Variants in FBXL20 observed in about 807,000 individuals in gnomAD.
FBXL20 encodes F-box and leucine rich repeat protein 20.
A neutral mutation model predicts 64.0 loss-of-function variants in FBXL20; 11 were observed. The observed-to-expected ratio is 0.17, with a 90% CI of 0.11 to 0.28. FBXL20 has a LOEUF of 0.28. Among genes scored for constraint, FBXL20 ranks in the 10% least tolerant of loss-of-function variants. The probability of loss-of-function intolerance (pLI) is 1.00; values close to 1 mark genes in which losing one functional copy is unlikely to be tolerated. For synonymous variants in FBXL20, 184 were observed against 189.0 expected (o/e 0.97, Z 0.22); for missense variants, 303 against 526.2 (o/e 0.58, Z 4.15).
In FBXL20 at chr17:39,281,240, G is replaced by C. The variant is rs566026988; in HGVS notation, c.696+149C>G. 101 of 679,022 alleles carry C rather than the reference G, an allele frequency of 1.5e-4. 1 individual carries two copies. The Middle Eastern group carries it at 4.1e-3, about 28-fold the overall frequency. 42.1% of individuals were successfully genotyped at this position (679,022 alleles called of 1,614,324 possible). A position where few individuals can be genotyped will look rare whatever the true frequency, so the allele number is the denominator to read the frequency against. The stretch of plus-strand genomic sequence containing the variant: ...CCTAGGAATGAGTATTGTTAAGCAC[G>C]TCAAAAGTCATCTGTGTGTTTACTT... On this transcript the variant is annotated intron_variant, in intron 9 of 14. Coordinates refer to ENST00000264658, the MANE Select transcript of FBXL20 (RefSeq NM_032875.3).
chr17:39,284,614 G>C (rs1259012315), intron 7 of FBXL20, among the ~76,000 whole-genome samples: 1 of 152,050 alleles, frequency 6.6e-6, no homozygotes, highest in Non-Finnish European at 1.5e-5. Flanking sequence ...GAACTCCTGA[G>C]CTCAAGCGAT....
intron 1 of FBXL20, among the ~76,000 whole-genome samples, chr17:39,371,436 G>A (rs2047917572): frequency 6.6e-6 from 1 of 152,014 alleles, no homozygotes; most frequent in Non-Finnish European, 1.5e-5. Context: ...GATCCTCTAA[G>A]CTTTTACTTG....
At chr17:39,363,827 C>CAAAAAAAA (rs1555612706) in intron 1 of FBXL20, among the ~76,000 whole-genome samples, 5 of 78,006 alleles carry the variant, frequency 6.4e-5, no homozygotes, top group African/African-American at 2.7e-4. Context: ...AAAAAAAAAA[C>CAAAAAAAA]AAAAAACAAA....
intron 2 of FBXL20, among the ~76,000 whole-genome samples, chr17:39,328,492 GT>G (rs754230928): frequency 7.2e-5 from 11 of 152,246 alleles, no homozygotes; most frequent in Non-Finnish European, 1.3e-4. Context: ...ATCTGAAACA[GT>G]TTGAGCATCA....
At position 39,260,882 on chromosome 17, in the gene FBXL20, A is replaced by G. The variant is rs2046739406; in HGVS notation, c.*578T>C. 6.4e-6 allele frequency: 1 copy of G among 155,704 alleles called. No individual in the cohort carries two copies. Among genetic ancestry groups the G allele is most frequent in the Non-Finnish European group, 1.4e-5 (1 of 69,846 alleles). The allele number at this position is 155,704 out of a possible 1,614,324, so 9.6% of individuals were successfully genotyped here. A position where few individuals can be genotyped will look rare whatever the true frequency, so the allele number is the denominator to read the frequency against. On this transcript the variant is annotated 3_prime_UTR_variant, in exon 15 of 15. Coordinates refer to ENST00000264658, the MANE Select transcript of FBXL20 (RefSeq NM_032875.3). Reference sequence around the variant, plus strand: ...CATTTAGGAAACCTCTGGGCCAAATACTAAAACACAGGAGGAATGGACGAG... The same window carrying G: ...CATTTAGGAAACCTCTGGGCCAAATGCTAAAACACAGGAGGAATGGACGAG...
At chr17:39,313,391 G>A (rs1270440727) in intron 2 of FBXL20, among the ~76,000 whole-genome samples, 3 of 150,430 alleles carry the variant, frequency 2.0e-5, no homozygotes, top group East Asian at 4.0e-4. Context: ...CTGCCACCAC[G>A]CCAGCTAATT....
Position 39,324,217 on chromosome 17 carries a change from C to T in FBXL20, c.104+18963G>A, listed in dbSNP as rs536530111. 1.3e-5 allele frequency among the ~76,000 whole-genome samples: 2 copies of T among 149,990 alleles called. 1 individual carries two copies. The highest frequency in any genetic ancestry group is 5.1e-5 in the African/African-American group (2 of 39,360). Reference sequence around the variant, plus strand: ...TTATTAAAATGCAGATTCCTGGGTCCTAGCTCGGACCTACAGATTCCTCTA... The same window carrying T: ...TTATTAAAATGCAGATTCCTGGGTCTTAGCTCGGACCTACAGATTCCTCTA... On this transcript the variant is annotated intron_variant, in intron 2 of 14. Transcript: ENST00000264658.
chr17:39,291,320 ACT>A (rs968350693), intron 6 of FBXL20, among the ~76,000 whole-genome samples: 1 of 150,180 alleles, frequency 6.7e-6, no homozygotes, highest in Admixed American at 6.7e-5. Flanking sequence ...GATTTAATTT[ACT>A]TTTTTCTATT....
intron 1 of FBXL20, among the ~76,000 whole-genome samples, chr17:39,377,535 C>T (rs2047979377): frequency 1.3e-5 from 2 of 149,142 alleles, no homozygotes; most frequent in African/African-American, 5.0e-5. Flanking sequence ...GAGTCTTGCT[C>T]TGTCGCCCAG....
At chr17:39,267,289 T>C (rs967230157) in intron 12 of FBXL20, among the ~76,000 whole-genome samples, 1 of 151,080 alleles carries the variant, frequency 6.6e-6, no homozygotes, top group African/African-American at 2.4e-5. Flanking sequence ...AAAAAAACAG[T>C]CTGAGCGGTA....
At chr17:39,377,261 C>T (rs1392269768) in intron 1 of FBXL20, among the ~76,000 whole-genome samples, 1 of 152,008 alleles carries the variant, frequency 6.6e-6, no homozygotes, top group Non-Finnish European at 1.5e-5. Flanking sequence ...GGAGCCCCCA[C>T]CCAGGAACTG....
At chr17:39,290,689 G>A (rs954066473) in intron 6 of FBXL20, among the ~76,000 whole-genome samples, 12 of 151,596 alleles carry the variant, frequency 7.9e-5, no homozygotes, top group African/African-American at 1.9e-4. Flanking sequence ...CTCAGCCTCC[G>A]AGTAGATAGG....
At chr17:39,376,183 G>C (rs748371824) in intron 1 of FBXL20, among the ~76,000 whole-genome samples, 5 of 152,026 alleles carry the variant, frequency 3.3e-5, no homozygotes, top group Non-Finnish European at 7.4e-5. Flanking sequence ...GAATGGAACA[G>C]ATCTGATTCC....
intron 6 of FBXL20, among the ~76,000 whole-genome samples, chr17:39,293,128 T>C (rs913937597): frequency 6.6e-6 from 1 of 152,028 alleles, no homozygotes; most frequent in African/African-American, 2.4e-5. Flanking sequence ...GTGACAGATA[T>C]TCTGTATGCC....
chr17:39,353,611 T>TTTATTTAC (rs2047709202), intron 1 of FBXL20, among the ~76,000 whole-genome samples: 1 of 149,608 alleles, frequency 6.7e-6, no homozygotes, highest in Admixed American at 6.7e-5. Flanking sequence ...TATTTATTTA[T>TTTATTTAC]TTATTTATTT....
At chr17:39,267,808 G>A (rs2046805558) in intron 12 of FBXL20, among the ~76,000 whole-genome samples, 1 of 152,094 alleles carries the variant, frequency 6.6e-6, no homozygotes, top group Non-Finnish European at 1.5e-5. Context: ...CCGTTCAGAA[G>A]GAATAACACT....
Position 39,264,222 on chromosome 17 carries a change from G to A in FBXL20, c.1156C>T (p.Leu386Phe). The A allele has an allele frequency of 6.2e-7, 1 of 1,614,240 alleles. No homozygotes were observed. The highest frequency in any genetic ancestry group is 8.5e-7 in the Non-Finnish European group (1 of 1,180,050). Residue 386 changes from leucine (L) to phenylalanine (F), a missense_variant, in exon 14 of 15, where the codon CTC becomes TTC. Physicochemically the swap from Leu to Phe is conservative, Grantham distance 22. This residue lies in a region of FBXL20 where 56 missense variants were observed against 86.0 expected (regional missense o/e 0.65). Transcript: ENST00000264658. ...KSCHSLERIE[L>F]YDCQQITRAG... ...CGTGTGATTTGCTGGCAGTCATAGA[G>A]TTCTATCCGCTCAAGGCTATGACAG...
chr17:39,343,297 T>A (rs2047600189), intron 1 of FBXL20, 56 bp from the exon 2 acceptor site: 6 of 1,282,872 alleles, frequency 4.7e-6, no homozygotes, highest in Non-Finnish European at 6.6e-6. Flanking sequence ...TACAGAATGT[T>A]CAACTCAATA....
At chr17:39,361,957 A>G (rs978522978) in intron 1 of FBXL20, among the ~76,000 whole-genome samples, 6 of 151,018 alleles carry the variant, frequency 4.0e-5, no homozygotes, top group African/African-American at 1.5e-4. Flanking sequence ...GTAAAGTTTT[A>G]AAAATGCTTT....
Sources: gnomAD v4.1 joint callset for allele counts (sites outside exome capture counted in the v4.1 genomes callset) on GRCh38, gnomAD v4.1.1 for gene constraint, gnomAD v4.1.1 regional missense constraint, MANE v1.5 for transcripts, NCBI Gene and HGNC (gene_info 2026-07-23, HGNC 2026-07-21) for gene names.